The following MAPRE2 variants were observed in gnomAD, a reference collection of about 807,000 sequenced individuals.
MAPRE2 encodes microtubule associated protein RP/EB family member 2, also known as microtubule-associated protein RP/EB family member 2.
In MAPRE2, 13 loss-of-function variants were observed where a neutral mutation model predicts 43.2. The ratio of observed to expected loss-of-function variants is 0.30; its 90% CI spans 0.20 to 0.48. The LOEUF (loss-of-function observed/expected upper bound fraction) is 0.48. Ranked by LOEUF, MAPRE2 falls within the 20% of genes least tolerant of loss-of-function variation. The pLI, the probability that MAPRE2 is intolerant of heterozygous loss-of-function variation, is 0.99. For missense variants in MAPRE2, 161 were observed against 400.2 expected (o/e 0.40, Z 5.10); for synonymous variants, 135 against 148.8 (o/e 0.91, Z 0.68).
intron 2 of MAPRE2, among the ~76,000 whole-genome samples, chr18:35,021,734 A>G (rs2097042041): frequency 6.6e-6 from 1 of 152,172 alleles, no homozygotes; most frequent in African/African-American, 2.4e-5. Flanking sequence ...AGAAAATACT[A>G]GAAAAGTATT....
intron 1 of MAPRE2, among the ~76,000 whole-genome samples, chr18:35,001,531 G>C (rs1247107496): frequency 1.4e-5 from 2 of 139,428 alleles, no homozygotes. Flanking sequence ...AAAAAAAAAA[G>C]ATACGTGATG....
At chr18:35,074,034 T>A (rs1377085482) in intron 2 of MAPRE2, among the ~76,000 whole-genome samples, 1 of 152,196 alleles carries the variant, frequency 6.6e-6, no homozygotes, top group East Asian at 1.9e-4. Context: ...TTATTTCTTG[T>A]GACAAACAAC....
At chr18:35,135,783 G>A (rs1269039400) in intron 6 of MAPRE2, among the ~76,000 whole-genome samples, 2 of 152,234 alleles carry the variant, frequency 1.3e-5, no homozygotes, top group African/African-American at 4.8e-5. Context: ...ATGGCGTCTG[G>A]GAGGAAGTGC....
chr18:34,979,641 A>G (rs1377433681), intron 1 of MAPRE2, among the ~76,000 whole-genome samples: 1 of 152,202 alleles, frequency 6.6e-6, no homozygotes, highest in Non-Finnish European at 1.5e-5. Flanking sequence ...GTGAAGCAGA[A>G]AGGATGAATA....
At chr18:35,021,250 A>T (rs796355591) in intron 2 of MAPRE2, among the ~76,000 whole-genome samples, 13 of 152,310 alleles carry the variant, frequency 8.5e-5, no homozygotes, top group African/African-American at 3.1e-4. Flanking sequence ...ATGCAAGTAT[A>T]TTCTAGAAAA....
At chr18:35,059,259 T>C (rs908644417) in intron 1 of MAPRE2, among the ~76,000 whole-genome samples, 19 of 152,158 alleles carry the variant, frequency 1.2e-4, no homozygotes, top group African/African-American at 4.6e-4. Context: ...AGAGCTCTCA[T>C]TAAGCTGCAG....
chr18:35,101,818 T>C, intron 3 of MAPRE2, 128 bp from the exon 4 acceptor site: 1 of 667,654 alleles, frequency 1.5e-6, no homozygotes, highest in South Asian at 2.0e-5. Flanking sequence ...TTCCAAATCT[T>C]AGCTATTATA....
intron 2 of MAPRE2, among the ~76,000 whole-genome samples, chr18:35,021,116 C>T (rs541637623): frequency 1.3e-5 from 2 of 152,166 alleles, no homozygotes; most frequent in South Asian, 2.1e-4. Context: ...GAACCTGGTA[C>T]TTTAGTGTGA....
chr18:35,041,015 G>A (rs1453652441), upstream of MAPRE2, among the ~76,000 whole-genome samples: 2 of 152,212 alleles, frequency 1.3e-5, no homozygotes, highest in Non-Finnish European at 2.9e-5. Context: ...ACCTGACCAA[G>A]TTTAATTGTC....
intron 2 of MAPRE2, among the ~76,000 whole-genome samples, chr18:35,024,668 T>C (rs2097044048): frequency 6.6e-6 from 1 of 152,226 alleles, no homozygotes; most frequent in African/African-American, 2.4e-5. Flanking sequence ...GTTCTTACAT[T>C]TGCCTGGCTG....
chr18:34,978,330 C>G (rs2097014302), intron 1 of MAPRE2: 2 of 656,890 alleles, frequency 3.0e-6, no homozygotes, highest in Non-Finnish European at 5.4e-6. Flanking sequence ...AACCCGCGCC[C>G]GCGCGCACCG....
intron 2 of MAPRE2, among the ~76,000 whole-genome samples, chr18:35,017,771 AAGAG>A (rs1316750615): frequency 6.6e-6 from 1 of 151,696 alleles, no homozygotes; most frequent in African/African-American, 2.4e-5. Flanking sequence ...ATTATTCATG[AAGAG>A]AGATAGTTTG....
intron 2 of MAPRE2, among the ~76,000 whole-genome samples, chr18:35,023,851 C>G (rs1369233539): frequency 6.6e-6 from 1 of 151,962 alleles, no homozygotes; most frequent in Admixed American, 6.6e-5. Flanking sequence ...TTTACTGATG[C>G]CTTGCTGTTT....
chr18:35,092,407 A>G (rs926491337), intron 2 of MAPRE2, among the ~76,000 whole-genome samples: 3 of 152,224 alleles, frequency 2.0e-5, no homozygotes, highest in African/African-American at 4.8e-5. Context: ...CTGGCTATCC[A>G]TGTGCAGAAG....
rs528671423 is a variant in MAPRE2 at position 35,121,750 on chromosome 18, A to C, written c.611-5198A>C. On this transcript the variant is annotated intron_variant, in intron 4 of 6. Transcript: ENST00000300249. ...CCAAGAGGCCTGGTAAAGGTACAGAAGTCAAATCACTGATGGAGTGGGGCA... is the reference window on the plus strand; with the variant it reads ...CCAAGAGGCCTGGTAAAGGTACAGACGTCAAATCACTGATGGAGTGGGGCA... Among the ~76,000 whole-genome samples, 13 of 152,360 alleles carry C rather than the reference A, an allele frequency of 8.5e-5. No individual in the cohort carries two copies. In the South Asian group the frequency reaches 2.7e-3, roughly 32 times the overall value.
chr18:35,139,089 GGAA>G (rs771656681), intron 6 of MAPRE2, among the ~76,000 whole-genome samples: 7 of 152,174 alleles, frequency 4.6e-5, no homozygotes, highest in Non-Finnish European at 8.8e-5. Flanking sequence ...TCATAGCAGA[GGAA>G]GAAAACAAAT....
chr18:35,055,537 C>CTGTGTGTGTGTGTGTGTG (rs34194364), intron 1 of MAPRE2, among the ~76,000 whole-genome samples: 2,916 of 146,622 alleles, frequency 0.02, 71 homozygotes, highest in African/African-American at 0.06. Context: ...ATTCAGTTCT[C>CTGTGTGTGTGTGTGTGTG]TGTGTGTGTG....
At chr18:35,002,896 T>C (rs80185517) in intron 1 of MAPRE2, among the ~76,000 whole-genome samples, 3,943 of 152,332 alleles carry the variant, frequency 0.026, 73 homozygotes, top group Non-Finnish European at 0.04. Context: ...TTTTTAATTT[T>C]GATGAAGTCC....
At chr18:34,981,940 A>C (rs1409940272) in intron 1 of MAPRE2, among the ~76,000 whole-genome samples, 2 of 142,274 alleles carry the variant, frequency 1.4e-5, no homozygotes, top group Non-Finnish European at 3.0e-5. Flanking sequence ...GCTGGAGTGC[A>C]GTGGCGCCAT....
Sources: gnomAD v4.1 joint callset for allele counts (sites outside exome capture counted in the v4.1 genomes callset) on GRCh38, gnomAD v4.1.1 for gene constraint, MANE v1.5 for transcripts, NCBI Gene and HGNC (gene_info 2026-07-23, HGNC 2026-07-21) for gene names.